BIRC6: variants seen among roughly 807,000 people sequenced by gnomAD.
The protein encoded by BIRC6 is dual E2 ubiquitin-conjugating enzyme/E3 ubiquitin-protein ligase BIRC6.
Under a neutral mutation model 503.3 loss-of-function variants are expected in BIRC6, and 98 were observed. The ratio of observed to expected loss-of-function variants is 0.19; its 90% CI spans 0.17 to 0.23. BIRC6 has a LOEUF of 0.23. Among genes scored for constraint, BIRC6 ranks in the 10% least tolerant of loss-of-function variants. The probability of loss-of-function intolerance (pLI) is 1.00; values close to 1 mark genes in which losing one functional copy is unlikely to be tolerated. For synonymous variants in BIRC6, 2,240 were observed against 2,078.7 expected, an observed-to-expected ratio of 1.08 and a Z score of -2.11; for missense variants, 5,360 against 5,806.0, an observed-to-expected ratio of 0.92 and a Z score of 2.50.
chr2:32,470,655 C>A (rs1056818568), intron 31 of BIRC6, among the ~76,000 whole-genome samples: 2 of 152,076 alleles, frequency 1.3e-5, no homozygotes, highest in African/African-American at 2.4e-5. Context: ...AACATTAGAA[C>A]CTAGTTTAGT....
In BIRC6 at chr2:32,618,152, A is replaced by G. The variant is rs1443489860; in HGVS notation, c.*248A>G. On this transcript the variant is annotated 3_prime_UTR_variant, in exon 74 of 74. Transcript: ENST00000421745. ...TATGTTCAACAAATTTGTGTATACA[A>G]AGAAATGGATAAATCACTGCTATAT... The G allele has an allele frequency of 3.0e-5, 10 of 332,114 alleles. No individual in the cohort carries two copies. Among genetic ancestry groups the G allele is most frequent in the East Asian group, 4.6e-5 (1 of 21,600 alleles). 20.6% of individuals were successfully genotyped at this position (332,114 alleles called of 1,614,324 possible). A position where few individuals can be genotyped will look rare whatever the true frequency, so the allele number is the denominator to read the frequency against.
intron 66 of BIRC6, chr2:32,590,990 T>C: frequency 1.0e-6 from 1 of 985,782 alleles, no homozygotes; most frequent in Non-Finnish European, 1.2e-6. Flanking sequence ...TATGGCCTTT[T>C]TTCATGAGCT....
chr2:32,527,867 A>G (rs1380281446), intron 59 of BIRC6: 1 of 152,250 alleles, frequency 6.6e-6, no homozygotes, highest in Non-Finnish European at 1.5e-5. Context: ...GAAGGTCAAG[A>G]TAACACCACA....
chr2:32,464,879 TACTCTA>T, intron 25 of BIRC6, 56 bp downstream of exon 25: 2 of 1,531,368 alleles, frequency 1.3e-6, no homozygotes, highest in Non-Finnish European at 1.8e-6. Context: ...TCTTGAAATA[TACTCTA>T]ACTTTAGAAG....
At chr2:32,466,902 G>A (rs1205078482) in intron 26 of BIRC6, among the ~76,000 whole-genome samples, 4 of 151,924 alleles carry the variant, frequency 2.6e-5, no homozygotes. Flanking sequence ...GGTGGATCAC[G>A]AGGTCAGGAG....
At chr2:32,584,522 T>TC (rs2060899385) in intron 66 of BIRC6, among the ~76,000 whole-genome samples, 1 of 152,084 alleles carries the variant, frequency 6.6e-6, no homozygotes, top group African/African-American at 2.4e-5. Context: ...TACAGAATGA[T>TC]ACTCCGTCTC....
Position 32,553,197 on chromosome 2 carries a change from C to CAAAAAAAAAAAAAA in BIRC6, c.13144+3740_13144+3753dup, listed in dbSNP as rs763552918. The stretch of plus-strand genomic sequence containing the variant: ...GGGTGACAAGAGTGAAACTCTGTCT[C>CAAAAAAAAAAAAAA]AAAAAAAAAAAAAAAAAAAAAAAAA... On this transcript the variant is annotated intron_variant, in intron 65 of 73. Coordinates refer to ENST00000421745, the MANE Select transcript of BIRC6 (RefSeq NM_016252.4). 1.3e-3 allele frequency among the ~76,000 whole-genome samples: 45 copies of CAAAAAAAAAAAAAA among 34,950 alleles called. 6 individuals carry two copies. Among genetic ancestry groups the CAAAAAAAAAAAAAA allele is most frequent in the Non-Finnish European group, 1.8e-3 (37 of 20,582 alleles). The allele number at this position is 34,950 out of a possible 152,430, so 22.9% of individuals were successfully genotyped here. A position where few individuals can be genotyped will look rare whatever the true frequency, so the allele number is the denominator to read the frequency against.
intron 40 of BIRC6, among the ~76,000 whole-genome samples, chr2:32,486,742 C>T (rs1464803826): frequency 6.6e-6 from 1 of 152,110 alleles, no homozygotes; most frequent in East Asian, 1.9e-4. Context: ...AGTCTGCAAT[C>T]TTCATTTGTT....
At chr2:32,391,969 C>T in intron 4 of BIRC6, 70 bp from the exon 5 acceptor site, 1 of 1,011,272 alleles carries the variant, frequency 9.9e-7, no homozygotes, top group Admixed American at 2.9e-5. Flanking sequence ...TTATTTTTTG[C>T]ATTGTTAAAT....
intron 8 of BIRC6, among the ~76,000 whole-genome samples, chr2:32,405,497 T>C (rs1158336478): frequency 6.6e-6 from 1 of 152,280 alleles, no homozygotes; most frequent in South Asian, 2.1e-4. Context: ...GGAATACCAC[T>C]TCATATTCTG....
chr2:32,407,299 T>A (rs1458121661), intron 9 of BIRC6, among the ~76,000 whole-genome samples: 2 of 151,900 alleles, frequency 1.3e-5, no homozygotes, highest in African/African-American at 4.8e-5. Context: ...TAAAAAACAA[T>A]TAGCCAGGCG....
At position 32,543,446 on chromosome 2, in the gene BIRC6, G is replaced by A. The variant is rs748782106; in HGVS notation, c.12497G>A (p.Arg4166His). The A allele has an allele frequency of 1.2e-6, 2 of 1,613,908 alleles. No individual in the cohort carries two copies. The highest frequency in any genetic ancestry group is 8.5e-7 in the Non-Finnish European group (1 of 1,179,870). The stretch of plus-strand genomic sequence containing the variant: ...TTGGCTGCTTTTGGATTATTTCTTC[G>A]TCTTCCGGGCTATGCGGAAGTGCTA... Reference protein sequence around the residue: ...HSLAAFGLFLRLPGYAEVLLK... With the variant: ...HSLAAFGLFLHLPGYAEVLLK... Residue 4166 changes from arginine (R) to histidine (H), a missense_variant, in exon 62 of 74, where the codon CGT becomes CAT. Physicochemically the swap from Arg to His is conservative, Grantham distance 29 (BLOSUM62 0). This residue lies in a region of BIRC6 where 477 missense variants were observed against 574.4 expected (regional missense o/e 0.83). Coordinates refer to ENST00000421745, the MANE Select transcript of BIRC6 (RefSeq NM_016252.4).
intron 65 of BIRC6, among the ~76,000 whole-genome samples, chr2:32,554,153 TC>T (rs1313539027): frequency 2.6e-5 from 4 of 152,230 alleles, no homozygotes; most frequent in Admixed American, 6.5e-5. Flanking sequence ...AATAGTATGT[TC>T]CTTTTTTGAG....
In BIRC6 at chr2:32,357,105, G is replaced by A; in HGVS notation, c.-57G>A. ...GCCGGGCGATCGACGTTCCGCGTGC[G>A]TGCGGGCGCCTGACTTCACTTCCGG... On this transcript the variant is annotated 5_prime_UTR_variant, in exon 1 of 74. In the 5' UTR this introduces an upstream ATG that the reference lacks. Transcript: ENST00000421745. This position sits in a 1 kb window ranked among gnomAD's most constrained non-coding sequence, Gnocchi z 4.9. 9 of 1,380,746 alleles carry A rather than the reference G, an allele frequency of 6.5e-6. No individual in the cohort carries two copies. Among genetic ancestry groups the A allele is most frequent in the Non-Finnish European group, 8.5e-6 (9 of 1,061,542 alleles). The allele number at this position is 1,380,746 out of a possible 1,614,324, so 85.5% of individuals were successfully genotyped here. A position where few individuals can be genotyped will look rare whatever the true frequency, so the allele number is the denominator to read the frequency against.
At chr2:32,606,165 G>T (rs549367318) in intron 71 of BIRC6, among the ~76,000 whole-genome samples, 1 of 152,246 alleles carries the variant, frequency 6.6e-6, no homozygotes, top group African/African-American at 2.4e-5. Flanking sequence ...GACTTCTATA[G>T]ATACATTAAC....
intron 45 of BIRC6, among the ~76,000 whole-genome samples, chr2:32,494,080 T>C (rs2052102931): frequency 6.6e-6 from 1 of 152,190 alleles, no homozygotes; most frequent in African/African-American, 2.4e-5. Flanking sequence ...AATAAATTTA[T>C]TAACAAAATC....
intron 1 of BIRC6, among the ~76,000 whole-genome samples, chr2:32,363,987 C>G (rs1301377721): frequency 6.6e-6 from 1 of 152,176 alleles, no homozygotes; most frequent in Non-Finnish European, 1.5e-5. Flanking sequence ...ATACAGTAAT[C>G]TGTGTTTGGA....
At position 32,505,318 on chromosome 2, in the gene BIRC6, G is replaced by A. The variant is rs2053671960; in HGVS notation, c.9700+113G>A. On this transcript the variant is annotated intron_variant, in intron 50 of 73. Transcript: ENST00000421745. ...CACTTAGGTGTGATTACCAGAGAGTGTAACTTCTGAACAGTTTTTATTGAA... is the reference window on the plus strand; with the variant it reads ...CACTTAGGTGTGATTACCAGAGAGTATAACTTCTGAACAGTTTTTATTGAA... The A allele has an allele frequency of 1.2e-5, 10 of 850,740 alleles. No homozygotes were observed. The East Asian group carries it at 2.4e-4, about 21-fold the overall frequency. The allele number at this position is 850,740 out of a possible 1,614,324, so 52.7% of individuals were successfully genotyped here.
intron 42 of BIRC6, among the ~76,000 whole-genome samples, chr2:32,489,655 G>A (rs921514333): frequency 5.9e-5 from 9 of 151,874 alleles, no homozygotes; most frequent in African/African-American, 1.9e-4. Context: ...AAAATTAGCC[G>A]GCTGTGTTGA....
Sources: gnomAD v4.1 joint callset for allele counts (sites outside exome capture counted in the v4.1 genomes callset) on GRCh38, gnomAD v4.1.1 for gene constraint, gnomAD v4.1.1 regional missense constraint, Gnocchi (gnomAD v3.1) non-coding constraint, MANE v1.5 for transcripts, NCBI Gene and HGNC (gene_info 2026-07-23, HGNC 2026-07-21) for gene names.